KREMEN1: variants seen among roughly 807,000 people sequenced by gnomAD.
The protein encoded by KREMEN1 is kringle containing transmembrane protein 1.
Under a neutral mutation model 46.5 loss-of-function variants are expected in KREMEN1, and 30 were observed. The ratio of observed to expected loss-of-function variants is 0.65; its 90% confidence interval spans 0.48 to 0.88. The LOEUF (loss-of-function observed/expected upper bound fraction) is 0.88. Among genes scored for constraint, KREMEN1 ranks in the 40% least tolerant of loss-of-function variants. The probability of loss-of-function intolerance (pLI) is 0.00; values close to 1 mark genes in which losing one functional copy is unlikely to be tolerated. For synonymous variants in KREMEN1, 214 were observed against 230.6 expected, an observed-to-expected ratio of 0.93 and a Z score of 0.65; for missense variants, 533 against 596.9, an observed-to-expected ratio of 0.89 and a Z score of 1.11.
At chr22:29,098,097 C>T (rs2037910894) in intron 2 of KREMEN1, among the ~76,000 whole-genome samples, 1 of 151,836 alleles carries the variant, frequency 6.6e-6, no homozygotes, top group Non-Finnish European at 1.5e-5. Flanking sequence ...AGGAGAATCG[C>T]TTGAGCCTGG....
Position 29,138,672 on chromosome 22 carries a change from T to C in KREMEN1, c.1013T>C (p.Val338Ala), listed in dbSNP as rs1454397806. The C allele has an allele frequency of 6.2e-7, 1 of 1,614,174 alleles. No homozygotes were observed. The highest frequency in any genetic ancestry group is 8.5e-7 in the Non-Finnish European group (1 of 1,180,028). The change falls in exon 7 of 9, where the codon GTG becomes GCG. Residue 338 changes from valine to alanine, a missense_variant. Coordinates refer to ENST00000400335, the MANE Select transcript of KREMEN1 (RefSeq NM_001039570.3). ...GAGAGGCCCGCTGTCAACCAGACGG[T>C]GGCCGAGGTGATCACGGAGCAGGCC... Reference protein sequence around the residue: ...PQERPAVNQTVAEVITEQANL... With the variant: ...PQERPAVNQTAAEVITEQANL...
intron 5 of KREMEN1, among the ~76,000 whole-genome samples, chr22:29,136,344 C>T (rs926204053): frequency 3.3e-5 from 5 of 151,636 alleles, no homozygotes; most frequent in African/African-American, 1.2e-4. Context: ...GAGGCCGGGA[C>T]GGGTGGATCA....
chr22:29,144,862 CG>C lies in KREMEN1; in HGVS notation c.*2755del. On this transcript the variant is annotated 3_prime_UTR_variant, in exon 9 of 9. Transcript: ENST00000400335. The stretch of plus-strand genomic sequence containing the variant: ...GCCAATGTGCTGTCACAGCCTGCAG[CG>C]GGGGCAGCACTTCCTCGGAGGGCCT... 1.0e-6 allele frequency: 1 copy of C among 985,514 alleles called. No individual in the cohort carries two copies. 61.0% of individuals were successfully genotyped at this position (985,514 alleles called of 1,614,324 possible). A position where few individuals can be genotyped will look rare whatever the true frequency, so the allele number is the denominator to read the frequency against.
At chr22:29,090,402 G>C (rs5762985) in intron 1 of KREMEN1, among the ~76,000 whole-genome samples, 24,568 of 152,148 alleles carry the variant, frequency 0.16, 2,562 homozygotes, top group East Asian at 0.52. Context: ...TGGGAGGAGG[G>C]AGATCAGCAG....
At chr22:29,096,549 C>T (rs1226847199) in intron 2 of KREMEN1, among the ~76,000 whole-genome samples, 1 of 152,154 alleles carries the variant, frequency 6.6e-6, no homozygotes, top group Non-Finnish European at 1.5e-5. Context: ...TCACATCAAA[C>T]CCTCTCGTTT....
intron 2 of KREMEN1, among the ~76,000 whole-genome samples, chr22:29,097,853 C>T (rs1007985755): frequency 6.6e-6 from 1 of 151,880 alleles, no homozygotes. Flanking sequence ...GGAATTATGT[C>T]ATCTATTGGG....
intron 6 of KREMEN1, among the ~76,000 whole-genome samples, chr22:29,138,127 G>A (rs950465173): frequency 2.6e-5 from 4 of 152,238 alleles, no homozygotes; most frequent in Non-Finnish European, 4.4e-5. Context: ...GTGAGCACAT[G>A]TGTGCCGGGC....
intron 5 of KREMEN1, among the ~76,000 whole-genome samples, chr22:29,131,230 T>G (rs2038528471): frequency 6.6e-6 from 1 of 151,860 alleles, no homozygotes; most frequent in African/African-American, 2.4e-5. Flanking sequence ...TATACAGAGG[T>G]TTAGTAACCT....
chr22:29,148,366 G>T (rs2038887948), downstream of KREMEN1, among the ~76,000 whole-genome samples: 1 of 152,196 alleles, frequency 6.6e-6, no homozygotes, highest in South Asian at 2.1e-4. Flanking sequence ...GGCAGTGAGG[G>T]AGTGCCTGGC....
Position 29,146,329 on chromosome 22 carries a change from G to A in KREMEN1, c.*4217G>A, listed in dbSNP as rs537943499. The A allele has an allele frequency of 4.1e-6, 4 of 985,844 alleles. No homozygotes were observed. In the African/African-American group the frequency reaches 5.2e-5, roughly 13 times the overall value. 61.1% of individuals were successfully genotyped at this position (985,844 alleles called of 1,614,324 possible). ...GTCTCCCCTCAGGCTGGACGGCTCC[G>A]GGGTGACAGGGCTTCACCCTCTGCC... On this transcript the variant is annotated 3_prime_UTR_variant, in exon 9 of 9. Transcript: ENST00000400335.
chr22:29,142,854 T>C lies in KREMEN1; in HGVS notation c.*742T>C, dbSNP rs918404309. 5.1e-6 allele frequency: 5 copies of C among 985,340 alleles called. No individual in the cohort carries two copies. The highest frequency in any genetic ancestry group is 6.0e-6 in the Non-Finnish European group (5 of 829,972). The allele number at this position is 985,340 out of a possible 1,614,324, so 61.0% of individuals were successfully genotyped here. A position where few individuals can be genotyped will look rare whatever the true frequency, so the allele number is the denominator to read the frequency against. ...GAAAGCTTTAAGAGCTTTGGTCATA[T>C]AAAACATCCATTCAGCTGGGCGCGA... is the stretch of plus-strand genomic sequence containing the variant. On this transcript the variant is annotated 3_prime_UTR_variant, in exon 9 of 9. Coordinates refer to ENST00000400335, the MANE Select transcript of KREMEN1 (RefSeq NM_001039570.3).
chr22:29,126,538 A>G (rs1302578891), intron 5 of KREMEN1, among the ~76,000 whole-genome samples: 3 of 152,176 alleles, frequency 2.0e-5, no homozygotes, highest in African/African-American at 7.2e-5. Flanking sequence ...TCTCCTTAAA[A>G]GGAACCAATC....
At chr22:29,150,349 C>T (rs753681563), downstream of KREMEN1, among the ~76,000 whole-genome samples, 5 of 152,186 alleles carry the variant, frequency 3.3e-5, no homozygotes, top group Non-Finnish European at 5.9e-5. Flanking sequence ...TTGGAATAAA[C>T]CCGTTAGCTC....
rs371224801 is a variant in KREMEN1 at position 29,164,950 on chromosome 22, G to A, written c.1417-2094G>A. On this transcript the variant is annotated intron_variant, in intron 9 of 9. Coordinates refer to the KREMEN1 transcript ENST00000327813. ...AGCACTTTGGGAGGCCCAGGCAGGC[G>A]GATCACAAAGTCAGGGGTTCTAGAC... Among the ~76,000 whole-genome samples, 288 of 150,038 alleles carry A rather than the reference G, an allele frequency of 1.9e-3. 1 individual carries two copies. Among genetic ancestry groups the A allele is most frequent in the African/African-American group, 6.5e-3 (266 of 40,788 alleles).
intron 2 of KREMEN1, 152 bp downstream of exon 2, chr22:29,094,572 TACACACAC>T (rs134658): frequency 0.11 from 28,886 of 255,134 alleles, 2,025 homozygotes; most frequent in African/African-American, 0.19. Context: ...TTTCACACCT[TACACACAC>T]ACACACACAC....
chr22:29,125,326 G>C lies in KREMEN1; in HGVS notation c.541G>C (p.Gly181Arg). 1.2e-6 allele frequency: 2 copies of C among 1,614,144 alleles called. No individual in the cohort carries two copies. Among genetic ancestry groups the C allele is most frequent in the South Asian group, 1.1e-5 (1 of 91,084 alleles). Residue 181 changes from glycine to arginine, a missense_variant, in exon 5 of 9, where the codon GGG (glycine) becomes CGG (arginine). Coordinates refer to ENST00000400335, the MANE Select transcript of KREMEN1 (RefSeq NM_001039570.3). ...CGNNPDYWKY[G>R]EAASTECNSV... ...AAACAATCCTGATTACTGGAAGTAC[G>C]GGGAGGCAGCCAGTACCGAATGCAA...
At chr22:29,120,796 C>T (rs2038344125) in intron 3 of KREMEN1, among the ~76,000 whole-genome samples, 2 of 152,134 alleles carry the variant, frequency 1.3e-5, no homozygotes, top group African/African-American at 4.8e-5. Flanking sequence ...CCACTTAGTA[C>T]TCCTGACCTC....
intron 3 of KREMEN1, among the ~76,000 whole-genome samples, chr22:29,106,194 A>C (rs2038056254): frequency 6.6e-6 from 1 of 151,480 alleles, no homozygotes; most frequent in East Asian, 1.9e-4. Context: ...TACTATGTAC[A>C]AAAAGCACTT....
rs1333513389 is a variant in KREMEN1 at position 29,131,552 on chromosome 22, ATATATATATGTGTGTGTGTGTGTGTG to A, written c.632-5788_632-5763del. On this transcript the variant is annotated intron_variant, in intron 5 of 8. Coordinates refer to ENST00000400335, the MANE Select transcript of KREMEN1 (RefSeq NM_001039570.3). ...TATATATATATATATATATATATAT[ATATATATATGTGTGTGTGTGTGTGTG>A]TGTGTGTGTGTGTGTGTATATGTAT... is the stretch of plus-strand genomic sequence containing the variant. 9.0e-5 allele frequency among the ~76,000 whole-genome samples: 6 copies of A among 66,992 alleles called. 1 individual carries two copies. Among genetic ancestry groups the A allele is most frequent in the African/African-American group, 3.8e-4 (6 of 15,874 alleles). 43.9% of individuals were successfully genotyped at this position (66,992 alleles called of 152,430 possible). A position where few individuals can be genotyped will look rare whatever the true frequency, so the allele number is the denominator to read the frequency against.
Sources: allele counts gnomAD v4.1 joint callset (sites outside exome capture counted in the v4.1 genomes callset), GRCh38; gene constraint gnomAD v4.1.1; transcripts MANE v1.5; gene names NCBI Gene and HGNC (gene_info 2026-07-23, HGNC 2026-07-21).